ADD2: variants seen among roughly 807,000 people sequenced by gnomAD.
ADD2 encodes beta-adducin.
ADD2 carries 23 observed loss-of-function variants against 83.0 expected under a neutral mutation model. The ratio of observed to expected loss-of-function variants is 0.28; its 90% confidence interval spans 0.20 to 0.39. The LOEUF (loss-of-function observed/expected upper bound fraction) is 0.39, where lower values mean the gene tolerates loss of function less well. Ranked by LOEUF, ADD2 falls within the 10% of genes least tolerant of loss-of-function variation. The pLI, the probability that ADD2 is intolerant of heterozygous loss-of-function variation, is 1.00. For synonymous variants in ADD2, 375 were observed against 375.4 expected, an observed-to-expected ratio of 1.00 and a Z score of 0.01; for missense variants, 758 against 944.9, an observed-to-expected ratio of 0.80 and a Z score of 2.59.
chr2:70,761,735 A>C (rs1196122325), intron 1 of ADD2, among the ~76,000 whole-genome samples: 1 of 150,308 alleles, frequency 6.7e-6, no homozygotes, highest in Non-Finnish European at 1.5e-5. Context: ...GCAGTGGTGC[A>C]ATCTCGGCTC....
chr2:70,727,050 G>A (rs930181826), intron 1 of ADD2, among the ~76,000 whole-genome samples: 3 of 152,182 alleles, frequency 2.0e-5, no homozygotes, highest in Non-Finnish European at 2.9e-5. Context: ...CCATGTTCAG[G>A]CTTTGATCGA....
At position 70,676,597 on chromosome 2, in the gene ADD2, G is replaced by C. The variant is rs534006186; in HGVS notation, c.1593+199C>G. The C allele has an allele frequency of 5.6e-5, 81 of 1,437,540 alleles. No individual in the cohort carries two copies. The highest frequency in any genetic ancestry group is 7.3e-5 in the Non-Finnish European group (80 of 1,090,490). 89.0% of individuals were successfully genotyped at this position (1,437,540 alleles called of 1,614,324 possible). The stretch of plus-strand genomic sequence containing the variant: ...TGTTCTCCAGCCCAGTGCCCACAGG[G>C]GCCATCAGACATTGTCCTCCCTGGT... On this transcript the variant is annotated intron_variant, in intron 13 of 15. Coordinates refer to ENST00000264436, the MANE Select transcript of ADD2 (RefSeq NM_001617.4). This position sits in a 1 kb window ranked among gnomAD's most constrained non-coding sequence, Gnocchi z 4.8.
At chr2:70,678,986 C>A (rs782746944) in intron 10 of ADD2, 25 bp from the exon 11 acceptor site, 18 of 1,570,408 alleles carry the variant, frequency 1.1e-5, no homozygotes, top group Non-Finnish European at 1.6e-5. Context: ...AATAGAACCA[C>A]TTATGGGGTG....
chr2:70,669,820 A>G (rs1265584819), intron 15 of ADD2, among the ~76,000 whole-genome samples: 4 of 152,186 alleles, frequency 2.6e-5, no homozygotes, highest in Admixed American at 2.6e-4. Context: ...ACATGTAGAG[A>G]GGCCGCATGG....
intron 2 of ADD2, among the ~76,000 whole-genome samples, chr2:70,712,467 A>G (rs1392584803): frequency 6.6e-6 from 1 of 151,778 alleles, no homozygotes; most frequent in Non-Finnish European, 1.5e-5. Context: ...AAATAAAAAA[A>G]AAAAAAAAGA....
intron 14 of ADD2, 190 bp from the exon 15 acceptor site, chr2:70,673,196 A>G (rs1173876988): frequency 5.0e-6 from 8 of 1,602,920 alleles, no homozygotes; most frequent in Admixed American, 1.7e-5. Context: ...GGGAAGGCCA[A>G]TGGGAGAGGG....
intron 1 of ADD2, among the ~76,000 whole-genome samples, chr2:70,738,541 G>A (rs1553380557): frequency 6.6e-6 from 1 of 152,152 alleles, no homozygotes; most frequent in Non-Finnish European, 1.5e-5. Flanking sequence ...AGAAAAGTGA[G>A]CAACCTTCCC....
chr2:70,727,983 G>T (rs1450337433), intron 1 of ADD2, among the ~76,000 whole-genome samples: 1 of 152,124 alleles, frequency 6.6e-6, no homozygotes, highest in African/African-American at 2.4e-5. Context: ...AGGAGGATGG[G>T]ACCTTCAAGG....
intron 15 of ADD2, among the ~76,000 whole-genome samples, chr2:70,667,767 T>C (rs947706715): frequency 6.6e-6 from 1 of 152,064 alleles, no homozygotes; most frequent in Non-Finnish European, 1.5e-5. Context: ...TACAGGCGCA[T>C]GTCACCACGC....
chr2:70,743,144 A>G (rs1269043133), intron 1 of ADD2, among the ~76,000 whole-genome samples: 1 of 152,220 alleles, frequency 6.6e-6, no homozygotes, highest in African/African-American at 2.4e-5. Context: ...GTCAGCGTCC[A>G]TAGCCTGTCA....
Position 70,658,806 on chromosome 2 carries a change from C to T in ADD2, c.*4619G>A, listed in dbSNP as rs548855031. 2 of 152,152 alleles carry T rather than the reference C, an allele frequency of 1.3e-5. No individual in the cohort carries two copies. Among genetic ancestry groups the T allele is most frequent in the African/African-American group, 2.4e-5 (1 of 41,446 alleles). The allele number at this position is 152,152 out of a possible 1,614,324, so 9.4% of individuals were successfully genotyped here. Reference sequence around the variant, plus strand: ...CTCTCATTTGTTCACTAGTCAAGAACTGATTACCCTTGTCCCAAAACTAGA... The same window carrying T: ...CTCTCATTTGTTCACTAGTCAAGAATTGATTACCCTTGTCCCAAAACTAGA... On this transcript the variant is annotated 3_prime_UTR_variant, in exon 16 of 16. Transcript: ENST00000264436.
chr2:70,677,044 C>T (rs1200187718), intron 12 of ADD2, among the ~76,000 whole-genome samples, 159 bp from the exon 13 acceptor site: 3 of 152,108 alleles, frequency 2.0e-5, no homozygotes, highest in African/African-American at 7.2e-5. Flanking sequence ...AAGGGGGGGC[C>T]TCCAAGTCTG....
rs367920992 is a variant in ADD2, at chr2:70,687,822, C to T, written c.948+202G>A. 5.9e-5 allele frequency among the ~76,000 whole-genome samples: 9 copies of T among 152,332 alleles called. No homozygotes were observed. In the East Asian group the frequency reaches 1.7e-3, roughly 29 times the overall value. ...TATTGCTTGTTAGACAATGTTGATGCATTTTTCAAAGCCACAGAACTAATC... is the reference window on the plus strand; with the variant it reads ...TATTGCTTGTTAGACAATGTTGATGTATTTTTCAAAGCCACAGAACTAATC... On this transcript the variant is annotated intron_variant, in intron 9 of 15. Coordinates refer to ENST00000264436, the MANE Select transcript of ADD2 (RefSeq NM_001617.4).
intron 1 of ADD2, among the ~76,000 whole-genome samples, chr2:70,723,569 T>C (rs1392927801): frequency 6.6e-6 from 1 of 152,226 alleles, no homozygotes; most frequent in African/African-American, 2.4e-5. Flanking sequence ...GGTAGATTTT[T>C]AGCTGATACG....
intron 11 of ADD2, 90 bp from the exon 12 acceptor site, chr2:70,677,967 T>G (rs2902577): frequency 0.7 from 1,090,120 of 1,555,642 alleles, 384,828 homozygotes; most frequent in African/African-American, 0.77. Context: ...GGGCCCAACA[T>G]CCTGCATGGA....
At position 70,672,966 on chromosome 2, in the gene ADD2, T is replaced by C; in HGVS notation, c.1782A>G (p.Ala594=). ...GCACTGGAGAAGCAGGTGCAGACTT[T>C]GCAGGTGAGCCAGGCTCTTCTGGGG... ...ETAPEEPGSP[A]KSAPASPVQS... Residue 594 remains alanine (A), a synonymous_variant, in exon 15 of 16, where the codon GCA becomes GCG. Coordinates refer to ENST00000264436, the MANE Select transcript of ADD2 (RefSeq NM_001617.4). 1.2e-6 allele frequency: 2 copies of C among 1,613,970 alleles called. No homozygotes were observed. Among genetic ancestry groups the C allele is most frequent in the Non-Finnish European group, 1.7e-6 (2 of 1,179,984 alleles).
In ADD2 at chr2:70,658,584, A is replaced by G. The variant is rs1255835440; in HGVS notation, c.*4841T>C. On this transcript the variant is annotated 3_prime_UTR_variant, in exon 16 of 16. Transcript: ENST00000264436. Reference sequence around the variant, plus strand: ...TGCCCTGTCCTTTCTGTGGGAGTGGAGAGCTTAAATTTAGCCTCTCCCTCA... The same window carrying G: ...TGCCCTGTCCTTTCTGTGGGAGTGGGGAGCTTAAATTTAGCCTCTCCCTCA... The G allele has an allele frequency of 2.0e-5, 3 of 152,100 alleles. No individual in the cohort carries two copies. Among genetic ancestry groups the G allele is most frequent in the African/African-American group, 7.2e-5 (3 of 41,418 alleles). The allele number at this position is 152,100 out of a possible 1,614,324, so 9.4% of individuals were successfully genotyped here.
intron 15 of ADD2, among the ~76,000 whole-genome samples, chr2:70,664,816 T>C (rs1297592413): frequency 6.6e-6 from 1 of 151,848 alleles, no homozygotes; most frequent in Non-Finnish European, 1.5e-5. Context: ...AGTTTGAGTA[T>C]GCAAGTGAGA....
At chr2:70,685,724 A>G (rs1670684598) in intron 9 of ADD2, among the ~76,000 whole-genome samples, 1 of 152,180 alleles carries the variant, frequency 6.6e-6, no homozygotes, top group Non-Finnish European at 1.5e-5. Flanking sequence ...TAATGAATGA[A>G]TTTTGAGAAG....
Sources: allele counts gnomAD v4.1 joint callset (sites outside exome capture counted in the v4.1 genomes callset), GRCh38; gene constraint gnomAD v4.1.1; non-coding constraint Gnocchi (gnomAD v3.1); transcripts MANE v1.5; gene names NCBI Gene and HGNC (gene_info 2026-07-23, HGNC 2026-07-21).